The following NOC3L variants were observed in gnomAD, a reference collection of about 807,000 sequenced individuals.
The protein encoded by NOC3L is NOC3 like DNA replication regulator, also known as nucleolar complex protein 3 homolog.
In NOC3L, 85 loss-of-function variants were observed where a neutral mutation model predicts 102.5. The observed-to-expected ratio is 0.83, with a 90% CI of 0.70 to 0.99. The LOEUF (loss-of-function observed/expected upper bound fraction) is 0.99, where lower values mean the gene tolerates loss of function less well. NOC3L is among the 50% of genes least tolerant of loss of function. NOC3L has a pLI of 0.00. For synonymous variants in NOC3L, 303 were observed against 309.4 expected (o/e 0.98, Z 0.22); for missense variants, 878 against 914.9 (o/e 0.96, Z 0.52).
chr10:94,324,472 C>T, the NOC3L span: 1 of 1,614,134 alleles, frequency 6.2e-7, no homozygotes, highest in African/African-American at 1.3e-5. Flanking sequence ...AAAGTCCTCT[C>T]AGCGGGTCCT....
chr10:94,354,317 A>ATATT (rs1183722072), intron 6 of NOC3L, among the ~76,000 whole-genome samples: 1 of 152,246 alleles, frequency 6.6e-6, no homozygotes, highest in African/African-American at 2.4e-5. Flanking sequence ...GACTTCACGT[A>ATATT]TATTTCATCA....
the NOC3L span, among the ~76,000 whole-genome samples, chr10:94,319,864 C>CCTTTTTTTTTTT: frequency 1.1e-5 from 1 of 92,914 alleles, no homozygotes; most frequent in African/African-American, 3.7e-5. Context: ...CAAAGGTGCT[C>CCTTTTTTTTTTT]TTTTTTTTTT....
At chr10:94,342,400 A>G (rs1401246370) in intron 13 of NOC3L, among the ~76,000 whole-genome samples, 2 of 152,220 alleles carry the variant, frequency 1.3e-5, no homozygotes, top group South Asian at 2.1e-4. Context: ...TCTTTGATCT[A>G]TGTAAATCTT....
Position 94,357,274 on chromosome 10 carries a change from T to C in NOC3L, c.408A>G (p.Lys136=). The C allele has an allele frequency of 6.2e-7, 1 of 1,607,626 alleles. No homozygotes were observed. The highest frequency in any genetic ancestry group is 8.5e-7 in the Non-Finnish European group (1 of 1,176,844). Residue 136 remains lysine, a synonymous_variant, in exon 4 of 21, where the codon AAA becomes AAG. Transcript: ENST00000371361. ...KHERIIDKYE[K]IPRTLQTAPE... is the part of the protein sequence containing the mutation. ...GTGCAGTTTGCAGAGTTCTTGGTAT[T>C]TTTTCATATTTATCTATAATGCGTT...
intron 12 of NOC3L, 63 bp from the exon 13 acceptor site, chr10:94,344,578 AT>A: frequency 8.7e-7 from 1 of 1,152,720 alleles, no homozygotes; most frequent in Non-Finnish European, 1.3e-6. Flanking sequence ...CTGAGTGAGC[AT>A]AAGTATCACT....
intron 1 of NOC3L, 177 bp from the exon 2 acceptor site, chr10:94,362,049 C>T (rs1277405249): frequency 6.0e-6 from 4 of 664,480 alleles, no homozygotes; most frequent in African/African-American, 5.4e-5. Flanking sequence ...AAGAGCGCTA[C>T]AGCATCAGTT....
chr10:94,339,904 A>G lies in NOC3L; in HGVS notation c.1797T>C (p.Gly599=), dbSNP rs1209908903. ...FKLHAGATNE[G]VEIVLQCLDV... ...CAAGGCACTGGAGTACAATCTCAACACCTTCATTGGTAGCACCTAAAACAG... is the reference window on the plus strand; with the variant it reads ...CAAGGCACTGGAGTACAATCTCAACGCCTTCATTGGTAGCACCTAAAACAG... Residue 599 remains glycine (G), a synonymous_variant, in exon 17 of 21, where the codon GGT becomes GGC. Coordinates refer to ENST00000371361, the MANE Select transcript of NOC3L (RefSeq NM_022451.11). 2 of 1,613,574 alleles carry G rather than the reference A, an allele frequency of 1.2e-6. No homozygotes were observed. The highest frequency in any genetic ancestry group is 2.2e-5 in the South Asian group (2 of 90,926).
chr10:94,345,076 C>T, intron 11 of NOC3L, 143 bp from the exon 12 acceptor site: 1 of 569,710 alleles, frequency 1.8e-6, no homozygotes, highest in Admixed American at 3.5e-5. Flanking sequence ...AGTAGAGAAA[C>T]ATGGACGGGA....
At chr10:94,352,849 T>A in intron 7 of NOC3L, 47 bp downstream of exon 7, 1 of 1,526,932 alleles carries the variant, frequency 6.5e-7, no homozygotes, top group South Asian at 1.2e-5. Context: ...CTCTCCAAAA[T>A]GTTTAGTTAT....
chr10:94,319,665 A>T, the NOC3L span, among the ~76,000 whole-genome samples: 3 of 152,160 alleles, frequency 2.0e-5, no homozygotes, highest in East Asian at 5.8e-4. Flanking sequence ...TGTAAAATCT[A>T]TATACAAACT....
rs1266919544 is a variant in NOC3L, at chr10:94,350,194, C to G, written c.1047G>C (p.Leu349=). The G allele has an allele frequency of 1.2e-6, 2 of 1,614,060 alleles. No individual in the cohort carries two copies. The highest frequency in any genetic ancestry group is 8.5e-7 in the Non-Finnish European group (1 of 1,180,006). Residue 349 remains leucine (L), a synonymous_variant, in exon 9 of 21, where the codon CTG becomes CTC. Transcript: ENST00000371361. ...AEVAVKSLCE[L]LVALPHFNFH... ...AGTTAAAATGAGGTAGTGCCACCAA[C>G]AGCTCACACAAGCTCTTCACAGCGA... is the stretch of plus-strand genomic sequence containing the variant.
chr10:94,318,634 A>G, the NOC3L span, among the ~76,000 whole-genome samples: 1 of 152,292 alleles, frequency 6.6e-6, no homozygotes, highest in Admixed American at 6.5e-5. Context: ...ACCCACACTC[A>G]GCACCTTGGG....
At chr10:94,348,438 A>G (rs78718506) in intron 10 of NOC3L, among the ~76,000 whole-genome samples, 3,237 of 152,122 alleles carry the variant, frequency 0.021, 42 homozygotes, top group South Asian at 0.04. Flanking sequence ...AGCTCCACAA[A>G]CAGATAGTTT....
Position 94,349,345 on chromosome 10 carries a change from G to A in NOC3L, c.1162C>T (p.Leu388Phe). 2 of 1,580,898 alleles carry A rather than the reference G, an allele frequency of 1.3e-6. No homozygotes were observed. The highest frequency in any genetic ancestry group is 1.7e-6 in the Non-Finnish European group (2 of 1,171,388). Residue 388 changes from leucine (L) to phenylalanine (F), a missense_variant, in exon 10 of 21, where the codon CTC (leucine) becomes TTC (phenylalanine). Physicochemically the swap from Leu to Phe is conservative, Grantham distance 22 (BLOSUM62 0). Coordinates refer to ENST00000371361, the MANE Select transcript of NOC3L (RefSeq NM_022451.11). ...TGGCCTAATTTATCTTGCTTAAAGA[G>A]TTTCTTCACAGCTTCACAACACATT... ...SEMCCEAVKK[L>F]FKQDKLGQAS...
intron 18 of NOC3L, 75 bp downstream of exon 18, chr10:94,338,533 A>G: frequency 2.9e-6 from 4 of 1,389,930 alleles, no homozygotes; most frequent in Non-Finnish European, 3.8e-6. Context: ...TGGCAATAAC[A>G]ACTATTTGAA....
At chr10:94,351,541 C>A (rs915154504) in intron 8 of NOC3L, among the ~76,000 whole-genome samples, 1 of 152,062 alleles carries the variant, frequency 6.6e-6, no homozygotes, top group Admixed American at 6.6e-5. Context: ...TTATTCATTT[C>A]TTTTGAGACA....
intron 8 of NOC3L, 71 bp from the exon 9 acceptor site, chr10:94,350,359 T>A (rs2134001065): frequency 6.8e-6 from 9 of 1,326,308 alleles, no homozygotes; most frequent in Non-Finnish European, 8.6e-6. Context: ...TCTTTTACAA[T>A]CAATGTACAT....
rs748758791 is a variant in NOC3L, at chr10:94,357,291, T to C, written c.391A>G (p.Ile131Val). The C allele has an allele frequency of 6.2e-6, 10 of 1,604,154 alleles. No homozygotes were observed. The South Asian group carries it at 6.8e-5, about 11-fold the overall frequency. ...CTTGGTATTTTTTCATATTTATCTATAATGCGTTCATGCTTCCGTTTCTTC... is the reference window on the plus strand; with the variant it reads ...CTTGGTATTTTTTCATATTTATCTACAATGCGTTCATGCTTCCGTTTCTTC... ...HAKKRKHERIIDKYEKIPRTL... is the reference protein window; with the variant it reads ...HAKKRKHERIVDKYEKIPRTL... Residue 131 changes from isoleucine (I) to valine (V), a missense_variant, in exon 4 of 21, where the codon ATA becomes GTA. By Grantham distance (29) the Ile-to-Val change is conservative (BLOSUM62 3). Transcript: ENST00000371361.
At chr10:94,316,426 T>G in the NOC3L span, 2 of 693,546 alleles carry the variant, frequency 2.9e-6, no homozygotes, top group South Asian at 1.5e-5. Flanking sequence ...AAAAGAATTA[T>G]GCAATACTCT....
Sources: allele counts gnomAD v4.1 joint callset (sites outside exome capture counted in the v4.1 genomes callset), GRCh38; gene constraint gnomAD v4.1.1; transcripts MANE v1.5; gene names NCBI Gene and HGNC (gene_info 2026-07-23, HGNC 2026-07-21).